Variants in MICAL3 observed in about 807,000 individuals in gnomAD.
MICAL3 encodes the protein microtubule associated monooxygenase, calponin and LIM domain containing 3, also known as [F-actin]-monooxygenase MICAL3.
Under a neutral mutation model 207.4 loss-of-function variants are expected in MICAL3, and 62 were observed. The ratio of observed to expected loss-of-function variants is 0.30; its 90% CI spans 0.24 to 0.37. The LOEUF (loss-of-function observed/expected upper bound fraction) is 0.37. Among genes scored for constraint, MICAL3 ranks in the 10% least tolerant of loss-of-function variants. The pLI is 1.00. For missense variants in MICAL3, 2,368 were observed against 2,635.6 expected (o/e 0.90, Z 2.22); for synonymous variants, 1,077 against 1,069.3 (o/e 1.01, Z -0.14).
intron 1 of MICAL3, among the ~76,000 whole-genome samples, chr22:17,922,473 G>A (rs1020103266): frequency 2.6e-5 from 4 of 152,156 alleles, no homozygotes; most frequent in Admixed American, 6.5e-5. Context: ...CATATTAGGA[G>A]TCTGAATGGC....
chr22:17,928,434 G>C (rs755908237), intron 1 of MICAL3, among the ~76,000 whole-genome samples: 1 of 137,008 alleles, frequency 7.3e-6, no homozygotes. Flanking sequence ...GCAAGACTCC[G>C]TCTCAAAAAA....
intron 19 of MICAL3, chr22:17,862,680 C>G: frequency 1.0e-6 from 1 of 985,374 alleles, no homozygotes; most frequent in Non-Finnish European, 1.2e-6. Context: ...TTCATGCCAG[C>G]CATAAAATAC....
At chr22:17,855,992 T>A (rs902018141) in intron 19 of MICAL3, among the ~76,000 whole-genome samples, 1 of 152,224 alleles carries the variant, frequency 6.6e-6, no homozygotes, top group Admixed American at 6.5e-5. Flanking sequence ...CCTGCCTAAC[T>A]CCTATGTGCC....
intron 2 of MICAL3, among the ~76,000 whole-genome samples, chr22:17,906,230 T>C (rs904400942): frequency 6.6e-6 from 1 of 152,204 alleles, no homozygotes; most frequent in Non-Finnish European, 1.5e-5. Flanking sequence ...ACATGAAACA[T>C]GCTTAAAACA....
chr22:17,984,354 T>C (rs946852898), intron 1 of MICAL3, among the ~76,000 whole-genome samples: 1 of 152,218 alleles, frequency 6.6e-6, no homozygotes, highest in African/African-American at 2.4e-5. Flanking sequence ...TACCATACAG[T>C]GTTTCACCTA....
At chr22:17,834,266 C>T in intron 20 of MICAL3, 1 of 1,095,038 alleles carries the variant, frequency 9.1e-7, no homozygotes, top group Non-Finnish European at 1.1e-6. Context: ...TGAGCACCTA[C>T]AGCTCAGCCA....
intron 17 of MICAL3, among the ~76,000 whole-genome samples, chr22:17,866,615 G>GAATA (rs139655946): frequency 8.5e-6 from 1 of 117,578 alleles, no homozygotes; most frequent in African/African-American, 3.3e-5. Flanking sequence ...GAACAGAACA[G>GAATA]AATAGAATAG....
In MICAL3 at chr22:17,900,845, T is replaced by C. The variant is rs1365675893; in HGVS notation, c.844A>G (p.Thr282Ala). ...QKFFQELREA[T>A]GIDLENIVYY... ...CTCCGGAGACATCAACACCAACCTG[T>C]GGCTTCCCTCAGTTCCTGGAAAAAT... Residue 282 changes from threonine to alanine, a missense_variant, in exon 6 of 32, where the codon ACA becomes GCA. By Grantham distance (58) the Thr-to-Ala change is moderately conservative. Around this residue, in one of 4 missense-constraint regions of MICAL3, gnomAD observed 400 missense variants for 547.0 expected, o/e 0.73. Coordinates refer to ENST00000441493, the MANE Select transcript of MICAL3 (RefSeq NM_015241.3). The surrounding 1 kb of genome is among the most constrained non-coding windows in gnomAD (Gnocchi z 4.0). 1.9e-6 allele frequency: 3 copies of C among 1,613,850 alleles called. No individual in the cohort carries two copies. The highest frequency in any genetic ancestry group is 4.5e-5 in the East Asian group (2 of 44,902).
At chr22:17,957,855 C>A (rs1264228374) in intron 1 of MICAL3, among the ~76,000 whole-genome samples, 1 of 152,054 alleles carries the variant, frequency 6.6e-6, no homozygotes, top group Non-Finnish European at 1.5e-5. Context: ...CTGGAGAGAT[C>A]CCACCACGGC....
intron 1 of MICAL3, among the ~76,000 whole-genome samples, chr22:18,015,632 G>A (rs370870): frequency 0.087 from 13,179 of 151,698 alleles, 705 homozygotes; most frequent in Middle Eastern, 0.16. Flanking sequence ...AGCTGATCTC[G>A]AACTCCTGAC....
At chr22:17,982,363 T>G (rs916057780) in intron 1 of MICAL3, among the ~76,000 whole-genome samples, 1 of 152,196 alleles carries the variant, frequency 6.6e-6, no homozygotes, top group African/African-American at 2.4e-5. Flanking sequence ...TTTTAAAAAC[T>G]CAGCATACGC....
At chr22:17,847,887 A>C in intron 19 of MICAL3, among the ~76,000 whole-genome samples, 1 of 151,548 alleles carries the variant, frequency 6.6e-6, no homozygotes, top group Non-Finnish European at 1.5e-5. Flanking sequence ...CTGGTCTTGA[A>C]CTCCTGGGCT....
intron 16 of MICAL3, chr22:17,879,409 G>A (rs1220370958): frequency 6.2e-7 from 1 of 1,609,670 alleles, no homozygotes; most frequent in Non-Finnish European, 8.5e-7. Flanking sequence ...ATGTCTGTTG[G>A]CAACAAAGTA....
At chr22:17,976,559 GTGTATA>G (rs1291433419) in intron 1 of MICAL3, among the ~76,000 whole-genome samples, 33 of 78,780 alleles carry the variant, frequency 4.2e-4, no homozygotes, top group African/African-American at 1.3e-3. Context: ...GTGTGTGTGT[GTGTATA>G]TATATATATA....
Position 17,891,650 on chromosome 22 carries a change from A to T in MICAL3, c.1547-18T>A. 2.5e-6 allele frequency: 4 copies of T among 1,612,574 alleles called. No individual in the cohort carries two copies. The highest frequency in any genetic ancestry group is 3.4e-6 in the Non-Finnish European group (4 of 1,179,016). On this transcript the variant is annotated intron_variant, in intron 11 of 31. Coordinates refer to ENST00000441493, the MANE Select transcript of MICAL3 (RefSeq NM_015241.3). ...TACAGACTCTAAAACAACAAAACACAGTATTATTGGAGGTGTGGTCACCTG... is the reference window on the plus strand; with the variant it reads ...TACAGACTCTAAAACAACAAAACACTGTATTATTGGAGGTGTGGTCACCTG...
At chr22:17,853,746 C>CCATTG (rs1165698833) in intron 19 of MICAL3, among the ~76,000 whole-genome samples, 3 of 152,300 alleles carry the variant, frequency 2.0e-5, no homozygotes, top group Non-Finnish European at 2.9e-5. Flanking sequence ...TGTGCTGGTT[C>CCATTG]CATTGAGACC....
At chr22:17,795,775 G>C (rs1465156452) in intron 29 of MICAL3, among the ~76,000 whole-genome samples, 1 of 152,076 alleles carries the variant, frequency 6.6e-6, no homozygotes, top group Non-Finnish European at 1.5e-5. Flanking sequence ...CAACGGGCGA[G>C]GCTACTTTTA....
chr22:17,879,487 G>T, intron 16 of MICAL3: 1 of 1,123,968 alleles, frequency 8.9e-7, no homozygotes. Flanking sequence ...TTCAGGGGCA[G>T]AAATGCAGAG....
chr22:17,845,788 T>C (rs1203798464), intron 19 of MICAL3, among the ~76,000 whole-genome samples: 3 of 152,224 alleles, frequency 2.0e-5, no homozygotes, highest in Non-Finnish European at 4.4e-5. Flanking sequence ...CCTTCCCCTT[T>C]GGGCATCTTC....
Sources: allele counts gnomAD v4.1 joint callset (sites outside exome capture counted in the v4.1 genomes callset), GRCh38; gene constraint gnomAD v4.1.1; regional missense constraint gnomAD v4.1.1; non-coding constraint Gnocchi (gnomAD v3.1); transcripts MANE v1.5; gene names NCBI Gene and HGNC (gene_info 2026-07-23, HGNC 2026-07-21).